The following GREM2 variants were observed in gnomAD, a reference collection of about 807,000 sequenced individuals.
The protein encoded by GREM2 is gremlin 2, DAN family BMP antagonist, also known as gremlin-2.
GREM2 carries 11 observed loss-of-function variants against 14.2 expected under a neutral mutation model. The observed-to-expected ratio is 0.78, with a 90% confidence interval of 0.49 to 1.28. GREM2 has a LOEUF of 1.28. GREM2 is among the 50% of genes most tolerant of loss of function. The probability of loss-of-function intolerance (pLI) is 0.00; values close to 1 mark genes in which losing one functional copy is unlikely to be tolerated. For synonymous variants in GREM2, 98 were observed against 97.6 expected, an observed-to-expected ratio of 1.00 and a Z score of -0.02; for missense variants, 210 against 218.5, an observed-to-expected ratio of 0.96 and a Z score of 0.24.
At chr1:240,521,465 A>G (rs10926292) in intron 1 of GREM2, among the ~76,000 whole-genome samples, 46,419 of 149,982 alleles carry the variant, frequency 0.31, 7,396 homozygotes, top group Middle Eastern at 0.38. Context: ...CAGCTACTCG[A>G]GAGGCTGAGG....
chr1:240,538,150 A>G (rs1678513542), intron 1 of GREM2, among the ~76,000 whole-genome samples: 1 of 152,244 alleles, frequency 6.6e-6, no homozygotes, highest in African/African-American at 2.4e-5. Context: ...CGCTGATCTT[A>G]AATTTAGTTA....
At chr1:240,517,309 GA>G (rs1345376687) in intron 1 of GREM2, among the ~76,000 whole-genome samples, 4 of 152,092 alleles carry the variant, frequency 2.6e-5, no homozygotes, top group African/African-American at 9.7e-5. Flanking sequence ...AGTATCTAAA[GA>G]AAACCACTAA....
chr1:240,498,977 T>C (rs1413725398), intron 1 of GREM2, among the ~76,000 whole-genome samples: 1 of 152,230 alleles, frequency 6.6e-6, no homozygotes, highest in Non-Finnish European at 1.5e-5. Flanking sequence ...GTGGAAGTGC[T>C]TTCCTTTTAA....
At chr1:240,597,510 C>T (rs1375282682) in intron 1 of GREM2, among the ~76,000 whole-genome samples, 2 of 152,210 alleles carry the variant, frequency 1.3e-5, no homozygotes, top group African/African-American at 4.8e-5. Flanking sequence ...TCAAACGTCC[C>T]TTTCCGCCTT....
chr1:240,510,826 C>T (rs1244073373), intron 1 of GREM2, among the ~76,000 whole-genome samples: 3 of 152,114 alleles, frequency 2.0e-5, no homozygotes, highest in Admixed American at 6.5e-5. Flanking sequence ...AAAAAAGAGA[C>T]GTCTGCATTA....
intron 1 of GREM2, among the ~76,000 whole-genome samples, chr1:240,550,574 T>G (rs1678827302): frequency 1.3e-5 from 2 of 152,138 alleles, no homozygotes; most frequent in Admixed American, 1.3e-4. Flanking sequence ...GTGGGGAAAC[T>G]GAATAGGACA....
chr1:240,550,568 G>A (rs2103337621), intron 1 of GREM2, among the ~76,000 whole-genome samples: 1 of 152,196 alleles, frequency 6.6e-6, no homozygotes, highest in East Asian at 1.9e-4. Context: ...GGAGTAGTGG[G>A]GAAACTGAAT....
chr1:240,523,418 C>T (rs981705837), intron 1 of GREM2, among the ~76,000 whole-genome samples: 6 of 152,190 alleles, frequency 3.9e-5, no homozygotes, highest in African/African-American at 1.4e-4. Context: ...ACACCAGTAG[C>T]AGTTTCTCCC....
Position 240,610,478 on chromosome 1 carries a change from A to G in GREM2, c.-2+1406T>C, listed in dbSNP as rs1020379231. Among the ~76,000 whole-genome samples the G allele has an allele frequency of 5.9e-5, 9 of 152,358 alleles. No homozygotes were observed. The East Asian group carries it at 1.7e-3, about 29-fold the overall frequency. ...CTAAGCATGCATTTCCTTTAATGAC[A>G]GAAAGAACATGTTCATCTGATAAGA... On this transcript the variant is annotated intron_variant, in intron 1 of 1. Transcript: ENST00000318160.
At chr1:240,557,027 G>T (rs140422118) in intron 1 of GREM2, among the ~76,000 whole-genome samples, 2 of 151,680 alleles carry the variant, frequency 1.3e-5, no homozygotes, top group East Asian at 3.9e-4. Flanking sequence ...AAAATTAGCC[G>T]GGTGTGGCGG....
chr1:240,513,134 A>T (rs1168916179), intron 1 of GREM2, among the ~76,000 whole-genome samples: 1 of 152,218 alleles, frequency 6.6e-6, no homozygotes. Flanking sequence ...GTGGGGTAGG[A>T]CATAATTAGG....
At chr1:240,536,112 T>C (rs1678464483) in intron 1 of GREM2, among the ~76,000 whole-genome samples, 2 of 152,112 alleles carry the variant, frequency 1.3e-5, no homozygotes, top group Admixed American at 1.3e-4. Context: ...ACCTTCAATT[T>C]CAAGAAATTT....
chr1:240,553,278 T>C (rs778047072), intron 1 of GREM2, among the ~76,000 whole-genome samples: 5 of 152,238 alleles, frequency 3.3e-5, no homozygotes, highest in Non-Finnish European at 5.9e-5. Context: ...GGGAAGCTAG[T>C]CTGAGTGTGG....
chr1:240,588,328 T>C (rs372796077), intron 1 of GREM2, among the ~76,000 whole-genome samples: 3 of 152,284 alleles, frequency 2.0e-5, no homozygotes, highest in Admixed American at 1.3e-4. Flanking sequence ...TCTCACTACA[T>C]TGCTTGCACT....
intron 1 of GREM2, among the ~76,000 whole-genome samples, chr1:240,532,187 G>T (rs959658959): frequency 1.3e-5 from 2 of 151,978 alleles, no homozygotes; most frequent in Non-Finnish European, 2.9e-5. Context: ...AGGTTCAAGT[G>T]ATTCTCCTGC....
chr1:240,537,638 A>T (rs1474078744), intron 1 of GREM2, among the ~76,000 whole-genome samples: 1 of 152,154 alleles, frequency 6.6e-6, no homozygotes, highest in Non-Finnish European at 1.5e-5. Context: ...TACAAAAGTT[A>T]GCCGAGCATG....
chr1:240,501,154 C>A (rs571173047), intron 1 of GREM2, among the ~76,000 whole-genome samples: 1 of 152,182 alleles, frequency 6.6e-6, no homozygotes, highest in Admixed American at 6.5e-5. Context: ...TTACAACTTA[C>A]CCGAAGTGAG....
chr1:240,539,199 T>G (rs533725374), intron 1 of GREM2, among the ~76,000 whole-genome samples: 1 of 152,262 alleles, frequency 6.6e-6, no homozygotes, highest in Admixed American at 6.5e-5. Context: ...CCCTTATGGA[T>G]TTCTTATAAA....
At position 240,565,846 on chromosome 1, in the gene GREM2, C is replaced by CAA. The variant is rs57078582; in HGVS notation, c.-2+46036_-2+46037dup. On this transcript the variant is annotated intron_variant, in intron 1 of 1. Coordinates refer to ENST00000318160, the MANE Select transcript of GREM2 (RefSeq NM_022469.4). ...GGGTGACAGAGTGAGACTCTGTCTC[C>CAA]AAAAAAAAAAAAAAAACAAAACAAA... is the stretch of plus-strand genomic sequence containing the variant. Among the ~76,000 whole-genome samples the CAA allele has an allele frequency of 2.4e-3, 223 of 94,142 alleles. 2 individuals carry two copies. Among genetic ancestry groups the CAA allele is most frequent in the African/African-American group, 7.5e-3 (208 of 27,692 alleles). The allele number at this position is 94,142 out of a possible 152,430, so 61.8% of individuals were successfully genotyped here.
Sources: allele counts gnomAD v4.1 joint callset (sites outside exome capture counted in the v4.1 genomes callset), GRCh38; gene constraint gnomAD v4.1.1; transcripts MANE v1.5; gene names NCBI Gene and HGNC (gene_info 2026-07-23, HGNC 2026-07-21).